TIA1: variants seen among roughly 807,000 people sequenced by gnomAD.
TIA1 encodes TIA1 cytotoxic granule associated RNA binding protein.
TIA1 carries 23 observed loss-of-function variants against 65.9 expected under a neutral mutation model. The ratio of observed to expected loss-of-function variants is 0.35; its 90% CI spans 0.25 to 0.49. The LOEUF is 0.49. Among genes scored for constraint, TIA1 ranks in the 20% least tolerant of loss-of-function variants. The pLI is 0.98. For missense variants in TIA1, 371 were observed against 477.9 expected (o/e 0.78, Z 2.09); for synonymous variants, 147 against 149.4 (o/e 0.98, Z 0.12).
At chr2:70,225,140 T>G (rs1370697207) in intron 6 of TIA1, 6 of 1,025,894 alleles carry the variant, frequency 5.8e-6, no homozygotes, top group Non-Finnish European at 5.9e-6. Context: ...TTTGTCTAAA[T>G]TTTGAGAACT....
intron 2 of TIA1, among the ~76,000 whole-genome samples, chr2:70,231,279 G>A (rs940935231): frequency 6.6e-6 from 1 of 152,092 alleles, no homozygotes; most frequent in Non-Finnish European, 1.5e-5. Flanking sequence ...TCCAGCCTGG[G>A]CGACAGAGCA....
chr2:70,224,880 T>A, intron 6 of TIA1: 1 of 1,221,144 alleles, frequency 8.2e-7, no homozygotes, highest in Non-Finnish European at 1.0e-6. Flanking sequence ...TTCAAAAAAC[T>A]TTTTAAACTT....
At chr2:70,219,591 C>G (rs1009066862) in intron 7 of TIA1, among the ~76,000 whole-genome samples, 2 of 152,146 alleles carry the variant, frequency 1.3e-5, no homozygotes, top group Non-Finnish European at 2.9e-5. Context: ...CCCACCTCAG[C>G]CTCCTAGTAG....
rs1676000926 is a variant in TIA1 at position 70,209,718 on chromosome 2, G to A, written c.*3001C>T. 2 of 398,144 alleles carry A rather than the reference G, an allele frequency of 5.0e-6. No homozygotes were observed. Among genetic ancestry groups the A allele is most frequent in the Non-Finnish European group, 8.9e-6 (2 of 225,926 alleles). 24.7% of individuals were successfully genotyped at this position (398,144 alleles called of 1,614,324 possible). ...GTGAAATAAAGAACATTATTTGAGA[G>A]AAAAAAACTGATTTTTTTTAAAGAA... On this transcript the variant is annotated 3_prime_UTR_variant, in exon 13 of 13. Transcript: ENST00000433529.
intron 1 of TIA1, among the ~76,000 whole-genome samples, chr2:70,238,821 T>C (rs960622766): frequency 1.3e-5 from 2 of 152,004 alleles, no homozygotes; most frequent in Non-Finnish European, 2.9e-5. Flanking sequence ...GAGGCCAAGG[T>C]GGAAAGATCA....
intron 10 of TIA1, 165 bp from the exon 11 acceptor site, chr2:70,215,659 G>A: frequency 1.6e-6 from 1 of 612,120 alleles, no homozygotes; most frequent in East Asian, 3.1e-5. Context: ...GGGGCAACTT[G>A]TGTTAACAAA....
Position 70,227,706 on chromosome 2 carries a change from A to G in TIA1, c.398+29T>C, listed in dbSNP as rs1221081989. The G allele has an allele frequency of 2.8e-6, 4 of 1,442,942 alleles. No individual in the cohort carries two copies. The East Asian group carries it at 9.2e-5, about 33-fold the overall frequency. The allele number at this position is 1,442,942 out of a possible 1,614,324, so 89.4% of individuals were successfully genotyped here. ...TCTACATATAATTGTTTCTAATTAA[A>G]AGGATTTTATTTATCTTCTGTTACT... On this transcript the variant is annotated intron_variant, in intron 6 of 12. Transcript: ENST00000433529.
Position 70,216,415 on chromosome 2 carries a change from G to A in TIA1, c.668C>T (p.Ser223Phe). Residue 223 changes from serine (S) to phenylalanine (F), a missense_variant, in exon 9 of 13, where the codon TCT becomes TTT. By Grantham distance (155) the Ser-to-Phe change is radical. Coordinates refer to ENST00000433529, the MANE Select transcript of TIA1 (RefSeq NM_022173.4). ...NCTVYCGGVT[S>F]GLTEQLMRQT... ...GAAGGCTCCCATACCTGTTAGCCCA[G>A]AAGTAACACCTCCACAGTATACAGT... The A allele has an allele frequency of 6.2e-7, 1 of 1,612,284 alleles. No individual in the cohort carries two copies. Among genetic ancestry groups the A allele is most frequent in the Non-Finnish European group, 8.5e-7 (1 of 1,179,430 alleles).
In TIA1 at chr2:70,211,160, A is replaced by G. The variant is rs1676390095; in HGVS notation, c.*1559T>C. The G allele has an allele frequency of 6.6e-6, 1 of 152,168 alleles. No individual in the cohort carries two copies. Among genetic ancestry groups the G allele is most frequent in the Non-Finnish European group, 1.5e-5 (1 of 68,028 alleles). 9.4% of individuals were successfully genotyped at this position (152,168 alleles called of 1,614,324 possible). On this transcript the variant is annotated 3_prime_UTR_variant, in exon 13 of 13. Coordinates refer to ENST00000433529, the MANE Select transcript of TIA1 (RefSeq NM_022173.4). ...ATGTATACTGGGACCTTTCCTCTTG[A>G]GTAAAGGAAGAAGGAGGTTTGTGAT...
intron 7 of TIA1, among the ~76,000 whole-genome samples, chr2:70,222,597 A>G (rs1681974355): frequency 6.6e-6 from 1 of 152,220 alleles, no homozygotes; most frequent in Non-Finnish European, 1.5e-5. Flanking sequence ...ATAGATTTAA[A>G]TTTATAGAAG....
intron 1 of TIA1, among the ~76,000 whole-genome samples, chr2:70,239,319 C>T (rs1031245504): frequency 6.6e-6 from 1 of 152,094 alleles, no homozygotes; most frequent in Non-Finnish European, 1.5e-5. Flanking sequence ...GTCTCGATCT[C>T]CTGACCTCGT....
intron 6 of TIA1, chr2:70,225,305 A>G (rs1485806690): frequency 7.9e-7 from 1 of 1,260,540 alleles, no homozygotes; most frequent in African/African-American, 1.6e-5. Flanking sequence ...TTAAAAAGTC[A>G]GAAAGTAAAA....
chr2:70,244,147 C>A (rs947824529), intron 1 of TIA1, among the ~76,000 whole-genome samples: 1 of 152,174 alleles, frequency 6.6e-6, no homozygotes, highest in Non-Finnish European at 1.5e-5. Context: ...CCCCAAGGGC[C>A]CCTTGCACTA....
At chr2:70,235,541 AGTGTGTGTGTGT>A (rs145663932) in intron 2 of TIA1, among the ~76,000 whole-genome samples, 17 of 147,204 alleles carry the variant, frequency 1.2e-4, no homozygotes, top group Non-Finnish European at 2.1e-4. Flanking sequence ...TAGATGAATG[AGTGTGTGTGTGT>A]GTGTGTGTGT....
At chr2:70,245,206 C>T (rs1354337936) in intron 1 of TIA1, among the ~76,000 whole-genome samples, 2 of 152,158 alleles carry the variant, frequency 1.3e-5, no homozygotes. Context: ...AGGTTGGTCT[C>T]AAACTTCTGA....
intron 1 of TIA1, among the ~76,000 whole-genome samples, chr2:70,244,509 C>T (rs938998452): frequency 2.6e-5 from 4 of 152,086 alleles, no homozygotes; most frequent in African/African-American, 9.7e-5. Context: ...TAAGTATTAT[C>T]TAATAAATAT....
At chr2:70,221,802 T>G (rs980009685) in intron 7 of TIA1, among the ~76,000 whole-genome samples, 4 of 151,964 alleles carry the variant, frequency 2.6e-5, no homozygotes, top group African/African-American at 9.7e-5. Context: ...AAAAAAATTT[T>G]TTTTTTTGAG....
intron 1 of TIA1, among the ~76,000 whole-genome samples, chr2:70,245,910 C>T (rs908536476): frequency 1.4e-5 from 2 of 146,310 alleles, no homozygotes; most frequent in Non-Finnish European, 3.0e-5. Flanking sequence ...TGAAATTCTA[C>T]CAGATTTTTT....
At chr2:70,216,561 T>A in intron 8 of TIA1, 62 bp from the exon 9 acceptor site, 2 of 1,468,400 alleles carry the variant, frequency 1.4e-6, no homozygotes, top group Non-Finnish European at 1.9e-6. Flanking sequence ...AAGAGAAAAG[T>A]AGCATTCACT....
Sources: gnomAD v4.1 joint callset for allele counts (sites outside exome capture counted in the v4.1 genomes callset) on GRCh38, gnomAD v4.1.1 for gene constraint, MANE v1.5 for transcripts, NCBI Gene and HGNC (gene_info 2026-07-23, HGNC 2026-07-21) for gene names.